The following STK33 variants were observed in gnomAD, a reference collection of about 807,000 sequenced individuals.
The protein encoded by STK33 is serine/threonine kinase 33, also known as serine/threonine-protein kinase 33.
Under a neutral mutation model 58.0 loss-of-function variants are expected in STK33, and 52 were observed. That is an observed-to-expected ratio of 0.90 (90% CI 0.72 to 1.13). The LOEUF (loss-of-function observed/expected upper bound fraction) is 1.13. STK33 is among the 50% of genes most tolerant of loss of function. STK33 has a pLI of 0.00. For missense variants in STK33, 630 were observed against 604.2 expected (o/e 1.04, Z -0.45); for synonymous variants, 215 against 200.1 (o/e 1.07, Z -0.63).
chr11:8,511,265 C>T (rs139042145), intron 1 of STK33, among the ~76,000 whole-genome samples: 84 of 152,146 alleles, frequency 5.5e-4, no homozygotes, highest in African/African-American at 1.9e-3. Flanking sequence ...TTAAAAGGGA[C>T]TGAGTTCTTG....
At chr11:8,364,148 G>A in the STK33 span, among the ~76,000 whole-genome samples, 6,461 of 152,184 alleles carry the variant, frequency 0.042, 190 homozygotes, top group Non-Finnish European at 0.061. Context: ...CTCCTTCCTC[G>A]TTTATGTCAA....
intron 1 of STK33, among the ~76,000 whole-genome samples, chr11:8,496,463 C>T (rs1231013292): frequency 6.6e-6 from 1 of 152,054 alleles, no homozygotes; most frequent in Non-Finnish European, 1.5e-5. Context: ...AGGTACTTTA[C>T]AAAATTTAAT....
chr11:8,398,149 C>A (rs1450316651), intron 15 of STK33, among the ~76,000 whole-genome samples: 6 of 152,042 alleles, frequency 3.9e-5, no homozygotes, highest in Non-Finnish European at 2.9e-5. Flanking sequence ...AACTCCAAGA[C>A]ACATAATTGT....
At chr11:8,424,586 C>G (rs1321378719) in intron 14 of STK33, among the ~76,000 whole-genome samples, 1 of 151,544 alleles carries the variant, frequency 6.6e-6, no homozygotes, top group Admixed American at 6.6e-5. Context: ...AATGGTTGAA[C>G]TAGTTTACAG....
intron 1 of STK33, 126 bp downstream of exon 1, chr11:8,593,957 A>T (rs957632083): frequency 6.6e-6 from 1 of 152,086 alleles, no homozygotes; most frequent in African/African-American, 2.4e-5. Flanking sequence ...GCCGGCCGGC[A>T]GCGAGATACC....
chr11:8,497,002 A>C (rs1464217029), intron 1 of STK33, among the ~76,000 whole-genome samples: 1 of 152,194 alleles, frequency 6.6e-6, no homozygotes, highest in African/African-American at 2.4e-5. Context: ...CATAGCATAC[A>C]AAATTATCAA....
chr11:8,404,348 C>T (rs1211577998), intron 15 of STK33, among the ~76,000 whole-genome samples: 1 of 152,120 alleles, frequency 6.6e-6, no homozygotes, highest in Non-Finnish European at 1.5e-5. Flanking sequence ...TGAGTTTTGA[C>T]AAACACTTAG....
intron 1 of STK33, among the ~76,000 whole-genome samples, chr11:8,579,447 A>T (rs1035440140): frequency 1.3e-5 from 2 of 152,076 alleles, no homozygotes; most frequent in Non-Finnish European, 2.9e-5. Context: ...TTTAAAATAC[A>T]ATGCAATTTT....
chr11:8,428,759 T>C (rs11041917), intron 14 of STK33, among the ~76,000 whole-genome samples: 9,505 of 152,252 alleles, frequency 0.062, 466 homozygotes, highest in East Asian at 0.27. Flanking sequence ...TATGAATGAA[T>C]TAATTGGGAG....
intron 11 of STK33, among the ~76,000 whole-genome samples, chr11:8,448,563 GA>G (rs1945831035): frequency 6.6e-6 from 1 of 152,160 alleles, no homozygotes; most frequent in African/African-American, 2.4e-5. Context: ...ATGGTGCTGG[GA>G]AAACTGGCTA....
At chr11:8,550,521 A>AT (rs1956233483) in intron 1 of STK33, among the ~76,000 whole-genome samples, 1 of 152,128 alleles carries the variant, frequency 6.6e-6, no homozygotes, top group Non-Finnish European at 1.5e-5. Flanking sequence ...ATAAAACTGA[A>AT]TATCTTTAAC....
Position 8,422,377 on chromosome 11 carries a change from G to A in STK33, c.1147-8685C>T, listed in dbSNP as rs563079376. On this transcript the variant is annotated intron_variant, in intron 14 of 15. Transcript: ENST00000687296. ...CCAACTTGCTAATAGTATGTCTAAGGTTTTATATCTATATTAGTAAGTGAA... is the reference window on the plus strand; with the variant it reads ...CCAACTTGCTAATAGTATGTCTAAGATTTTATATCTATATTAGTAAGTGAA... Among the ~76,000 whole-genome samples, 11 of 152,142 alleles carry A rather than the reference G, an allele frequency of 7.2e-5. No individual in the cohort carries two copies. In the South Asian group the frequency reaches 2.3e-3, roughly 32 times the overall value.
the STK33 span, among the ~76,000 whole-genome samples, chr11:8,359,822 G>A: frequency 6.6e-6 from 1 of 152,246 alleles, no homozygotes; most frequent in Non-Finnish European, 1.5e-5. Flanking sequence ...GAACTTGCCT[G>A]GGCAAAGGCA....
the STK33 span, among the ~76,000 whole-genome samples, chr11:8,375,832 T>TCCAGC: frequency 2.0e-5 from 3 of 152,122 alleles, no homozygotes; most frequent in Admixed American, 2.0e-4. Context: ...CTGAGGCCTC[T>TCCAGC]CCAGCCATGT....
chr11:8,392,530 T>G lies in STK33; in HGVS notation c.1525A>C (p.Arg509=). The G allele has an allele frequency of 6.2e-7, 1 of 1,613,030 alleles. No homozygotes were observed. Among genetic ancestry groups the G allele is most frequent in the Non-Finnish European group, 8.5e-7 (1 of 1,179,276 alleles). Reference sequence around the variant, plus strand: ...GAACCTTAGAGTTTCTTTTTGGTTCTGGACAGGGCGCCGGATTTAGCAGGG... The same window carrying G: ...GAACCTTAGAGTTTCTTTTTGGTTCGGGACAGGGCGCCGGATTTAGCAGGG... ...KYPAKSGALS[R]TKKKL Residue 509 remains arginine (R), a synonymous_variant, in exon 16 of 16, where the codon AGA becomes CGA. Transcript: ENST00000687296.
chr11:8,576,954 G>T (rs989472646), intron 1 of STK33, among the ~76,000 whole-genome samples: 2 of 152,192 alleles, frequency 1.3e-5, no homozygotes, highest in African/African-American at 4.8e-5. Flanking sequence ...GGGATTTAAT[G>T]TTCCATACAA....
At chr11:8,372,614 A>G in the STK33 span, among the ~76,000 whole-genome samples, 3 of 152,262 alleles carry the variant, frequency 2.0e-5, no homozygotes, top group Admixed American at 1.3e-4. Context: ...CTCTTCATGC[A>G]TCCCACCGCA....
At chr11:8,386,268 G>A in the STK33 span, among the ~76,000 whole-genome samples, 1 of 152,210 alleles carries the variant, frequency 6.6e-6, no homozygotes, top group Non-Finnish European at 1.5e-5. Context: ...CAGTAATGAA[G>A]CCTGGTCAGG....
chr11:8,439,237 C>A (rs181052926), intron 12 of STK33, among the ~76,000 whole-genome samples: 19 of 152,024 alleles, frequency 1.2e-4, no homozygotes, highest in Non-Finnish European at 1.9e-4. Flanking sequence ...ATACCAGATA[C>A]CAGGAATGCA....
Sources: gnomAD v4.1 joint callset for allele counts (sites outside exome capture counted in the v4.1 genomes callset) on GRCh38, gnomAD v4.1.1 for gene constraint, MANE v1.5 for transcripts, NCBI Gene and HGNC (gene_info 2026-07-23, HGNC 2026-07-21) for gene names.